PTPRN2: variants seen among roughly 807,000 people sequenced by gnomAD.
PTPRN2 encodes protein tyrosine phosphatase receptor type N2.
A neutral mutation model predicts 118.8 loss-of-function variants in PTPRN2; 74 were observed. The ratio of observed to expected loss-of-function variants is 0.62; its 90% CI spans 0.52 to 0.76. The LOEUF is 0.76. PTPRN2 is among the 30% of genes least tolerant of loss of function. The pLI, the probability that PTPRN2 is intolerant of heterozygous loss-of-function variation, is 0.00. For missense variants in PTPRN2, 1,481 were observed against 1,394.4 expected (o/e 1.06, Z -0.99); for synonymous variants, 641 against 608.0 (o/e 1.05, Z -0.80).
rs572098626 is a variant in PTPRN2, at chr7:157,861,638, C to T, written c.1788+37035G>A. ...CGGATGGGCTTGAAACAGTGGATGCCTGCAGTCTCACAGGCTGGGTTTGGA... is the reference window on the plus strand; with the variant it reads ...CGGATGGGCTTGAAACAGTGGATGCTTGCAGTCTCACAGGCTGGGTTTGGA... On this transcript the variant is annotated intron_variant, in intron 12 of 22. Transcript: ENST00000389418. This position sits in a 1 kb window ranked among gnomAD's most constrained non-coding sequence, Gnocchi z 5.8. Among the ~76,000 whole-genome samples, 7 of 152,362 alleles carry T rather than the reference C, an allele frequency of 4.6e-5. No individual in the cohort carries two copies. The highest frequency in any genetic ancestry group is 1.7e-4 in the African/African-American group (7 of 41,590).
At chr7:158,336,662 C>T (rs1181113388) in intron 2 of PTPRN2, among the ~76,000 whole-genome samples, 4 of 137,078 alleles carry the variant, frequency 2.9e-5, no homozygotes, top group African/African-American at 2.8e-5. Context: ...TCACTCACAC[C>T]CACACTCTCA....
intron 3 of PTPRN2, among the ~76,000 whole-genome samples, chr7:158,274,265 C>A (rs1192560543): frequency 3.6e-5 from 5 of 140,534 alleles, no homozygotes; most frequent in African/African-American, 5.5e-5. Flanking sequence ...ACACGGGGAG[C>A]CGCAGACACA....
intron 12 of PTPRN2, among the ~76,000 whole-genome samples, chr7:157,716,056 C>A (rs567008661): frequency 2.0e-5 from 3 of 152,356 alleles, no homozygotes; most frequent in African/African-American, 7.2e-5. Flanking sequence ...GAGAAGCCCA[C>A]GTGGGACATG....
chr7:158,047,293 G>A (rs1463695853), intron 11 of PTPRN2, among the ~76,000 whole-genome samples: 5 of 152,256 alleles, frequency 3.3e-5, no homozygotes, highest in African/African-American at 7.2e-5. Flanking sequence ...GCCAGGAGCC[G>A]AGGGCAGGTC....
chr7:158,388,313 G>A (rs1465440160), intron 2 of PTPRN2, among the ~76,000 whole-genome samples: 2 of 152,232 alleles, frequency 1.3e-5, no homozygotes, highest in East Asian at 1.9e-4. Context: ...GCTCGGTCCC[G>A]CAAGACCACC....
rs1744273941 is a variant in PTPRN2, at chr7:157,763,239, A to G, written c.1789-80302T>C. 6.6e-6 allele frequency among the ~76,000 whole-genome samples: 1 copy of G among 152,184 alleles called. No homozygotes were observed. The highest frequency in any genetic ancestry group is 2.4e-5 in the African/African-American group (1 of 41,454). Reference sequence around the variant, plus strand: ...GAGATGCCCTGAGGTGTCCAGTCCAACTCAAATTTCCAGCCACATACACCA... The same window carrying G: ...GAGATGCCCTGAGGTGTCCAGTCCAGCTCAAATTTCCAGCCACATACACCA... On this transcript the variant is annotated intron_variant, in intron 12 of 22. Coordinates refer to ENST00000389418, the MANE Select transcript of PTPRN2 (RefSeq NM_002847.5). The surrounding 1 kb of genome is among the most constrained non-coding windows in gnomAD (Gnocchi z 4.9).
rs1168387961 is a variant in PTPRN2, at chr7:157,548,994, C to T, written c.2928G>A (p.Ala976=). The T allele has an allele frequency of 7.4e-6, 12 of 1,614,064 alleles. No homozygotes were observed. Among genetic ancestry groups the T allele is most frequent in the South Asian group, 2.2e-5 (2 of 91,090 alleles). Residue 976 remains alanine (A), a synonymous_variant, in exon 22 of 23, where the codon GCG becomes GCA. Coordinates refer to ENST00000389418, the MANE Select transcript of PTPRN2 (RefSeq NM_002847.5). ...AKGAKEIDIA[A]TLEHLRDQRP... ...TCTGGTCCCTCAAGTGCTCCAGGGT[C>T]GCTGCGATATCAATCTCTTTAGCAC...
At chr7:158,379,755 C>T (rs1810820014) in intron 2 of PTPRN2, among the ~76,000 whole-genome samples, 1 of 152,168 alleles carries the variant, frequency 6.6e-6, no homozygotes, top group Non-Finnish European at 1.5e-5. Flanking sequence ...GATGGGGACC[C>T]CCTAGCTGTA....
At chr7:157,789,286 G>C (rs373127173) in intron 12 of PTPRN2, among the ~76,000 whole-genome samples, 2 of 152,130 alleles carry the variant, frequency 1.3e-5, no homozygotes, top group African/African-American at 4.8e-5. Flanking sequence ...GAAGCTCCCC[G>C]CCCGGTGCCG....
intron 3 of PTPRN2, among the ~76,000 whole-genome samples, chr7:158,283,074 G>A (rs1472625843): frequency 1.3e-5 from 2 of 152,248 alleles, no homozygotes; most frequent in South Asian, 4.1e-4. Flanking sequence ...CTCTCAGGAG[G>A]AAAACACTCT....
At chr7:158,211,555 T>A (rs1389303935) in intron 3 of PTPRN2, among the ~76,000 whole-genome samples, 2 of 152,180 alleles carry the variant, frequency 1.3e-5, no homozygotes, top group South Asian at 4.1e-4. Flanking sequence ...CAAATAGATA[T>A]AACTCTGAAT....
intron 12 of PTPRN2, among the ~76,000 whole-genome samples, chr7:157,866,496 C>T (rs1249581631): frequency 6.6e-6 from 1 of 152,078 alleles, no homozygotes; most frequent in African/African-American, 2.4e-5. Context: ...CACACACACA[C>T]ATACACACAG....
At chr7:158,556,210 A>G (rs1044422516) in intron 1 of PTPRN2, among the ~76,000 whole-genome samples, 1 of 152,204 alleles carries the variant, frequency 6.6e-6, no homozygotes, top group Non-Finnish European at 1.5e-5. Context: ...TAGACGATTG[A>G]CAGGTAAAGA....
intron 14 of PTPRN2, among the ~76,000 whole-genome samples, chr7:157,631,506 G>A (rs936396807): frequency 4.6e-5 from 7 of 152,190 alleles, no homozygotes; most frequent in African/African-American, 1.7e-4. Flanking sequence ...AGACCATCCT[G>A]GCTAACACGG....
intron 11 of PTPRN2, among the ~76,000 whole-genome samples, chr7:158,045,444 C>A (rs1808771321): frequency 6.6e-6 from 1 of 152,192 alleles, no homozygotes; most frequent in Non-Finnish European, 1.5e-5. Flanking sequence ...GTGGTCTTGG[C>A]CTTGTGTCAG....
intron 11 of PTPRN2, among the ~76,000 whole-genome samples, chr7:158,004,623 A>T (rs899357260): frequency 6.6e-6 from 1 of 152,174 alleles, no homozygotes; most frequent in Non-Finnish European, 1.5e-5. Flanking sequence ...TGATAATGCT[A>T]TGTGTGCTTA....
chr7:158,535,983 G>A (rs965030321), intron 1 of PTPRN2, among the ~76,000 whole-genome samples: 3 of 149,416 alleles, frequency 2.0e-5, no homozygotes, highest in Non-Finnish European at 4.4e-5. Context: ...ACATCCAAAA[G>A]GTTGGGACCT....
Position 158,053,708 on chromosome 7 carries a change from G to GATGCAGAGACCCCAGAT in PTPRN2, c.1723+27589_1723+27590insATCTGGGGTCTCTGCAT, listed in dbSNP as rs1460408620. ...CTGCGGAAGATGCAGAGACCCCAGA[G>GATGCAGAGACCCCAGAT]ATGCAGAGACCCCAGAGATGCAGAG... On this transcript the variant is annotated intron_variant, in intron 11 of 22. Coordinates refer to ENST00000389418, the MANE Select transcript of PTPRN2 (RefSeq NM_002847.5). Among the ~76,000 whole-genome samples, 1,061 of 151,618 alleles carry GATGCAGAGACCCCAGAT rather than the reference G, an allele frequency of 7.0e-3. 28 individuals are homozygous for GATGCAGAGACCCCAGAT. The highest frequency in any genetic ancestry group is 0.025 in the African/African-American group (1,009 of 40,938).
chr7:158,110,751 C>G (rs1013044820), intron 10 of PTPRN2, 78 bp downstream of exon 10: 5 of 1,338,692 alleles, frequency 3.7e-6, no homozygotes, highest in African/African-American at 2.9e-5. Flanking sequence ...GCCATGGGCT[C>G]GCAGCTCCTT....
Sources: gnomAD v4.1 joint callset for allele counts (sites outside exome capture counted in the v4.1 genomes callset) on GRCh38, gnomAD v4.1.1 for gene constraint, Gnocchi (gnomAD v3.1) non-coding constraint, MANE v1.5 for transcripts, NCBI Gene and HGNC (gene_info 2026-07-23, HGNC 2026-07-21) for gene names.